LSAMP: variants seen among roughly 807,000 people sequenced by gnomAD.
LSAMP encodes limbic system-associated membrane protein.
Under a neutral mutation model 38.6 loss-of-function variants are expected in LSAMP, and 7 were observed. The observed-to-expected ratio is 0.18, with a 90% confidence interval of 0.10 to 0.34. The LOEUF (loss-of-function observed/expected upper bound fraction) is 0.34. Among genes scored for constraint, LSAMP ranks in the 10% least tolerant of loss-of-function variants. LSAMP has a pLI of 1.00. For missense variants in LSAMP, 313 were observed against 420.0 expected (o/e 0.75, Z 2.23); for synonymous variants, 154 against 166.8 (o/e 0.92, Z 0.59).
At chr3:116,169,590 A>G (rs993338441) in intron 1 of LSAMP, among the ~76,000 whole-genome samples, 1 of 152,210 alleles carries the variant, frequency 6.6e-6, no homozygotes. Flanking sequence ...CAGCAATGCC[A>G]ACAGAACAAT....
At chr3:116,162,535 A>G (rs1250443110) in intron 1 of LSAMP, among the ~76,000 whole-genome samples, 3 of 152,108 alleles carry the variant, frequency 2.0e-5, no homozygotes, top group African/African-American at 7.2e-5. Flanking sequence ...GATCCTCCAC[A>G]TATTATTTTT....
chr3:116,273,707 T>TATAC (rs1307543165), intron 1 of LSAMP, among the ~76,000 whole-genome samples: 2 of 102,608 alleles, frequency 1.9e-5, no homozygotes, highest in African/African-American at 9.4e-5. Flanking sequence ...TATATATATA[T>TATAC]ACACACACAC....
At chr3:116,237,311 G>A (rs991084779) in intron 1 of LSAMP, among the ~76,000 whole-genome samples, 7 of 152,120 alleles carry the variant, frequency 4.6e-5, no homozygotes, top group East Asian at 1.9e-4. Flanking sequence ...CAGTGTGCTT[G>A]TAAGTAAGTA....
At position 116,019,646 on chromosome 3, in the gene LSAMP, A is replaced by C; in HGVS notation, c.389-6T>G. The stretch of plus-strand genomic sequence containing the variant: ...ATTGGAGATCTTTGGTGGGACTGTG[A>C]AAACAAAAGGAAATGGAATATGTAA... On this transcript the variant is annotated splice_polypyrimidine_tract_variant and splice_region_variant and intron_variant, in intron 2 of 6. Coordinates refer to ENST00000490035, the MANE Select transcript of LSAMP (RefSeq NM_002338.5). The C allele has an allele frequency of 3.1e-6, 5 of 1,610,712 alleles. No individual in the cohort carries two copies. The highest frequency in any genetic ancestry group is 4.2e-6 in the Non-Finnish European group (5 of 1,177,666).
chr3:116,080,170 A>G (rs1193287886), intron 2 of LSAMP, among the ~76,000 whole-genome samples: 1 of 152,210 alleles, frequency 6.6e-6, no homozygotes, highest in Non-Finnish European at 1.5e-5. Context: ...CATCTTCCTA[A>G]TAACTCTCAA....
At chr3:115,848,831 G>C (rs186695806) in intron 4 of LSAMP, among the ~76,000 whole-genome samples, 2 of 152,212 alleles carry the variant, frequency 1.3e-5, no homozygotes, top group Non-Finnish European at 2.9e-5. Context: ...GCGGGGACAG[G>C]CTTGAGAGCT....
At chr3:116,339,440 T>C (rs2047964303) in intron 1 of LSAMP, among the ~76,000 whole-genome samples, 1 of 152,010 alleles carries the variant, frequency 6.6e-6, no homozygotes, top group African/African-American at 2.4e-5. Flanking sequence ...TCAGCAGCAC[T>C]GAATGACCGT....
intron 1 of LSAMP, among the ~76,000 whole-genome samples, chr3:116,354,685 A>G (rs961576255): frequency 6.6e-6 from 1 of 152,236 alleles, no homozygotes; most frequent in Non-Finnish European, 1.5e-5. Flanking sequence ...GACTAAACAT[A>G]TATCTACTAC....
At chr3:116,178,300 G>A (rs866187363) in intron 1 of LSAMP, among the ~76,000 whole-genome samples, 2 of 151,954 alleles carry the variant, frequency 1.3e-5, no homozygotes, top group African/African-American at 2.4e-5. Context: ...CCGAGAACCC[G>A]GGACTACAGG....
At chr3:115,883,133 T>C (rs1032162967) in intron 3 of LSAMP, among the ~76,000 whole-genome samples, 1 of 152,072 alleles carries the variant, frequency 6.6e-6, no homozygotes, top group Non-Finnish European at 1.5e-5. Flanking sequence ...TTTTTCTCAG[T>C]TCTTAAAACT....
At chr3:116,309,807 G>T (rs2047531844) in intron 1 of LSAMP, among the ~76,000 whole-genome samples, 1 of 152,134 alleles carries the variant, frequency 6.6e-6, no homozygotes, top group South Asian at 2.1e-4. Context: ...ATGACATCTG[G>T]TTACAATAGC....
chr3:115,941,846 GACAA>G (rs1316271755), intron 3 of LSAMP, among the ~76,000 whole-genome samples: 3 of 152,032 alleles, frequency 2.0e-5, no homozygotes, highest in Non-Finnish European at 4.4e-5. Flanking sequence ...TCAAATATGA[GACAA>G]ACAAGTTCTG....
In LSAMP at chr3:116,444,893, C is replaced by A. The variant is rs781594328; in HGVS notation, c.139G>T (p.Asp47Tyr). 6.2e-7 allele frequency: 1 copy of A among 1,614,092 alleles called. No individual in the cohort carries two copies. Among genetic ancestry groups the A allele is most frequent in the Non-Finnish European group, 8.5e-7 (1 of 1,180,018 alleles). ...GTDNITVRQG[D>Y]TAILRCVVED... Reference sequence around the variant, plus strand: ...AAGCCCTACCTGAGGATGGCTGTGTCCCCCTGCCTCACGGTGATGTTGTCC... The same window carrying A: ...AAGCCCTACCTGAGGATGGCTGTGTACCCCTGCCTCACGGTGATGTTGTCC... Residue 47 changes from aspartate to tyrosine, a missense_variant, in exon 1 of 7, where the codon GAC becomes TAC. Physicochemically the swap from Asp to Tyr is radical, Grantham distance 160. Transcript: ENST00000490035.
chr3:115,809,192 C>A lies in LSAMP; in HGVS notation c.*1125G>T, dbSNP rs1009698751. ...ATCTGAAATTTTCTCTCCTAGGTCA[C>A]CTCGTCCACGTCATAATTCCTTATG... is the stretch of plus-strand genomic sequence containing the variant. On this transcript the variant is annotated 3_prime_UTR_variant, in exon 7 of 7. Transcript: ENST00000490035. 2 of 152,190 alleles carry A rather than the reference C, an allele frequency of 1.3e-5. No individual in the cohort carries two copies. Among genetic ancestry groups the A allele is most frequent in the African/African-American group, 4.8e-5 (2 of 41,412 alleles). The allele number at this position is 152,190 out of a possible 1,614,324, so 9.4% of individuals were successfully genotyped here.
At chr3:115,883,019 C>A (rs1936361229) in intron 3 of LSAMP, among the ~76,000 whole-genome samples, 1 of 151,920 alleles carries the variant, frequency 6.6e-6, no homozygotes, top group Admixed American at 6.6e-5. Context: ...ATATAGATAA[C>A]TATATGGAAG....
In LSAMP at chr3:116,061,493, C is replaced by T. The variant is rs547892528; in HGVS notation, c.388+24831G>A. ...CATGGTAGGTGGTGGTGGTGGTAAGCAAATTGTGTTCATCTTCACTTCCTT... is the reference window on the plus strand; with the variant it reads ...CATGGTAGGTGGTGGTGGTGGTAAGTAAATTGTGTTCATCTTCACTTCCTT... On this transcript the variant is annotated intron_variant, in intron 2 of 6. Transcript: ENST00000490035. Among the ~76,000 whole-genome samples, 5 of 152,156 alleles carry T rather than the reference C, an allele frequency of 3.3e-5. No individual in the cohort carries two copies. In the East Asian group the frequency reaches 7.7e-4, roughly 24 times the overall value.
chr3:116,260,285 G>A (rs997771145), intron 1 of LSAMP, among the ~76,000 whole-genome samples: 1 of 151,966 alleles, frequency 6.6e-6, no homozygotes, highest in Non-Finnish European at 1.5e-5. Flanking sequence ...CCTAGTGGTA[G>A]GTAGAATTCT....
chr3:116,200,088 T>C (rs1262694507), intron 1 of LSAMP, among the ~76,000 whole-genome samples: 1 of 93,838 alleles, frequency 1.1e-5, no homozygotes, highest in Non-Finnish European at 2.2e-5. Flanking sequence ...TTTTCAGTCT[T>C]ACTTTACACA....
chr3:116,311,083 A>G (rs2047552383), intron 1 of LSAMP, among the ~76,000 whole-genome samples: 1 of 152,108 alleles, frequency 6.6e-6, no homozygotes, highest in Non-Finnish European at 1.5e-5. Flanking sequence ...GAGGATCATC[A>G]CTTACAGAAT....
Sources: gnomAD v4.1 joint callset for allele counts (sites outside exome capture counted in the v4.1 genomes callset) on GRCh38, gnomAD v4.1.1 for gene constraint, MANE v1.5 for transcripts, NCBI Gene and HGNC (gene_info 2026-07-23, HGNC 2026-07-21) for gene names.